Variants in DPY19L1 observed in about 807,000 individuals in gnomAD.
DPY19L1 encodes protein C-mannosyl-transferase DPY19L1.
A neutral mutation model predicts 96.9 loss-of-function variants in DPY19L1; 35 were observed. The ratio of observed to expected loss-of-function variants is 0.36; its 90% CI spans 0.28 to 0.48. DPY19L1 has a LOEUF of 0.48. Ranked by LOEUF, DPY19L1 falls within the 20% of genes least tolerant of loss-of-function variation. The pLI, the probability that DPY19L1 is intolerant of heterozygous loss-of-function variation, is 0.99. For missense variants in DPY19L1, 521 were observed against 777.9 expected (o/e 0.67, Z 3.93); for synonymous variants, 205 against 252.6 (o/e 0.81, Z 1.79).
chr7:35,037,998 A>C, upstream of DPY19L1: 1 of 1,015,772 alleles, frequency 9.8e-7, no homozygotes, highest in East Asian at 3.5e-5. Context: ...CGCAGGCGAG[A>C]CGCGGCGGGG....
At chr7:34,992,199 C>T (rs1785184748) in intron 6 of DPY19L1, among the ~76,000 whole-genome samples, 2 of 152,284 alleles carry the variant, frequency 1.3e-5, no homozygotes, top group South Asian at 2.1e-4. Context: ...AAACCCTTTT[C>T]TCACTGCCTA....
intron 7 of DPY19L1, among the ~76,000 whole-genome samples, chr7:34,980,321 G>A (rs1401172789): frequency 1.3e-5 from 2 of 151,960 alleles, no homozygotes; most frequent in Non-Finnish European, 2.9e-5. Flanking sequence ...TTTTCTTCAA[G>A]CTTCTAAAAG....
chr7:35,002,234 T>G (rs1385274699), intron 6 of DPY19L1, among the ~76,000 whole-genome samples: 2 of 151,194 alleles, frequency 1.3e-5, no homozygotes, highest in Non-Finnish European at 1.5e-5. Context: ...ATTAATACCC[T>G]TAGAGAGAAT....
Position 35,037,271 on chromosome 7 carries a change from G to C in DPY19L1, c.124C>G (p.Arg42Gly), listed in dbSNP as rs1786449934. The C allele has an allele frequency of 3.1e-6, 1 of 317,974 alleles. No homozygotes were observed. The highest frequency in any genetic ancestry group is 5.0e-5 in the Admixed American group (1 of 19,826). The allele number at this position is 317,974 out of a possible 1,614,324, so 19.7% of individuals were successfully genotyped here. ...TTGCGCCCCGGGGACAGGGGCGCGC[G>C]CTCGGGCCCCGGCTCCCCGGCGCCG... ...DVGAGEPGPE[R>G]APLSPGRKGA... The change falls in exon 1 of 22, where the codon CGC becomes GGC. Residue 42 changes from arginine to glycine, a missense_variant. Transcript: ENST00000638088.
At chr7:34,942,912 C>T (rs1463546781) in intron 16 of DPY19L1, among the ~76,000 whole-genome samples, 1 of 152,148 alleles carries the variant, frequency 6.6e-6, no homozygotes, top group African/African-American at 2.4e-5. Context: ...TGTCCCAGCT[C>T]CCTCACTGGT....
Position 34,993,006 on chromosome 7 carries a change from T to A in DPY19L1, c.765-3065A>T, listed in dbSNP as rs374746918. 4.6e-5 allele frequency among the ~76,000 whole-genome samples: 7 copies of A among 152,226 alleles called. No homozygotes were observed. The East Asian group carries it at 1.3e-3, about 29-fold the overall frequency. ...TTCCTTTGGAGTTCGTGTTCCTGAGTGGTCTACCCTCACACTTTGTGCTTG... is the reference window on the plus strand; with the variant it reads ...TTCCTTTGGAGTTCGTGTTCCTGAGAGGTCTACCCTCACACTTTGTGCTTG... On this transcript the variant is annotated intron_variant, in intron 6 of 21. Transcript: ENST00000638088.
At chr7:34,961,445 C>CA (rs993635883) in intron 10 of DPY19L1, among the ~76,000 whole-genome samples, 3 of 152,008 alleles carry the variant, frequency 2.0e-5, no homozygotes, top group Non-Finnish European at 4.4e-5. Flanking sequence ...GATCCACATA[C>CA]AAAAAAATAA....
intron 14 of DPY19L1, among the ~76,000 whole-genome samples, chr7:34,948,914 T>C (rs1035198684): frequency 1.3e-5 from 2 of 152,202 alleles, no homozygotes; most frequent in African/African-American, 4.8e-5. Context: ...GGCCGGTAGA[T>C]AAAAGTTTCC....
intron 6 of DPY19L1, among the ~76,000 whole-genome samples, chr7:34,994,084 C>T (rs192893774): frequency 1.3e-5 from 2 of 152,058 alleles, no homozygotes; most frequent in East Asian, 3.9e-4. Context: ...TTTTTTTGGA[C>T]AACCAATGTA....
At position 35,013,700 on chromosome 7, in the gene DPY19L1, T is replaced by C. The variant is rs532189794; in HGVS notation, c.417A>G (p.Leu139=). The C allele has an allele frequency of 3.1e-6, 5 of 1,593,188 alleles. No individual in the cohort carries two copies. The highest frequency in any genetic ancestry group is 2.3e-5 in the East Asian group (1 of 44,418). Reference sequence around the variant, plus strand: ...CAATAGTCTTGAAATAGGAATAATATAGTCCCTGAAATAAAGATATGCTCA... The same window carrying C: ...CAATAGTCTTGAAATAGGAATAATACAGTCCCTGAAATAAAGATATGCTCA... ...REMAFRTEMG[L]YYSYFKTIVE... The change falls in exon 4 of 22, where the codon CTA becomes CTG. Residue 139 remains leucine, a synonymous_variant. Coordinates refer to ENST00000638088, the MANE Select transcript of DPY19L1 (RefSeq NM_001366673.1).
intron 7 of DPY19L1, among the ~76,000 whole-genome samples, chr7:34,982,164 C>A (rs988922186): frequency 6.6e-6 from 1 of 151,934 alleles, no homozygotes; most frequent in Non-Finnish European, 1.5e-5. Context: ...GATTCTGGAT[C>A]CAAAATAAAA....
At chr7:34,978,951 A>G (rs562634142) in intron 7 of DPY19L1, among the ~76,000 whole-genome samples, 2 of 152,204 alleles carry the variant, frequency 1.3e-5, no homozygotes, top group South Asian at 2.1e-4. Flanking sequence ...CCAGTTACAT[A>G]TTTCAATCTG....
rs1390399463 is a variant in DPY19L1 at position 34,931,453 on chromosome 7, C to T, written c.*120G>A. 2.9e-5 allele frequency: 37 copies of T among 1,284,282 alleles called. No homozygotes were observed. The highest frequency in any genetic ancestry group is 5.8e-5 in the Admixed American group (2 of 34,740). The allele number at this position is 1,284,282 out of a possible 1,614,324, so 79.6% of individuals were successfully genotyped here. On this transcript the variant is annotated 3_prime_UTR_variant, in exon 22 of 22. Coordinates refer to ENST00000638088, the MANE Select transcript of DPY19L1 (RefSeq NM_001366673.1). ...TGACATTCAAATTGACCAAATAAAA[C>T]GTTTTCTATTTGAAAACAGTTACCT...
Position 34,986,939 on chromosome 7 carries a change from T to C in DPY19L1, c.822+2945A>G, listed in dbSNP as rs553821173. On this transcript the variant is annotated intron_variant, in intron 7 of 21. Transcript: ENST00000638088. ...CTTCATATGTGTACATCTTTATATA[T>C]GTGAACATCTTTTACATAAAACAGC... is the stretch of plus-strand genomic sequence containing the variant. 1.1e-4 allele frequency among the ~76,000 whole-genome samples: 16 copies of C among 152,174 alleles called. No individual in the cohort carries two copies. In the East Asian group the frequency reaches 2.9e-3, roughly 27 times the overall value.
intron 6 of DPY19L1, among the ~76,000 whole-genome samples, chr7:35,006,828 T>C (rs1785570761): frequency 6.6e-6 from 1 of 152,208 alleles, no homozygotes; most frequent in Admixed American, 6.5e-5. Context: ...TTACCTGGCT[T>C]CTAAAAACTT....
intron 21 of DPY19L1, among the ~76,000 whole-genome samples, chr7:34,936,888 T>C (rs1468913970): frequency 1.3e-5 from 2 of 152,234 alleles, no homozygotes; most frequent in Non-Finnish European, 2.9e-5. Context: ...TATGTGTCAT[T>C]GAAATATATG....
intron 7 of DPY19L1, among the ~76,000 whole-genome samples, chr7:34,974,761 G>A (rs955889702): frequency 3.3e-5 from 5 of 152,100 alleles, no homozygotes; most frequent in Non-Finnish European, 1.5e-5. Flanking sequence ...ACAAATTGAA[G>A]GTTTGTGGCA....
chr7:34,968,768 CAAAAAAAAAAAA>C (rs35977506), intron 9 of DPY19L1, among the ~76,000 whole-genome samples: 7 of 8,888 alleles, frequency 7.9e-4, no homozygotes, highest in Non-Finnish European at 1.3e-3. Flanking sequence ...GACTCCATCG[CAAAAAAAAAAAA>C]AAAAAAAAAA....
At chr7:35,027,736 G>A (rs1786162022) in intron 1 of DPY19L1, among the ~76,000 whole-genome samples, 1 of 149,902 alleles carries the variant, frequency 6.7e-6, no homozygotes, top group South Asian at 2.1e-4. Context: ...CACTTGGGAG[G>A]CTGAGGCAGG....
Sources: gnomAD v4.1 joint callset for allele counts (sites outside exome capture counted in the v4.1 genomes callset) on GRCh38, gnomAD v4.1.1 for gene constraint, MANE v1.5 for transcripts, NCBI Gene and HGNC (gene_info 2026-07-23, HGNC 2026-07-21) for gene names.